Variants in ENTREP2 observed in about 807,000 individuals in gnomAD.
The protein encoded by ENTREP2 is protein ENTREP2.
At chr15:29,294,270 C>T in the ENTREP2 span, among the ~76,000 whole-genome samples, 1 of 152,216 alleles carries the variant, frequency 6.6e-6, no homozygotes, top group Non-Finnish European at 1.5e-5. Flanking sequence ...TTCAAAGAAG[C>T]AGGCAATGTG....
the ENTREP2 span, among the ~76,000 whole-genome samples, chr15:29,658,993 G>A: frequency 6.6e-6 from 1 of 152,246 alleles, no homozygotes; most frequent in South Asian, 2.1e-4. Context: ...ACAACATACA[G>A]ATGGATGCAT....
chr15:29,563,867 G>A, the ENTREP2 span, among the ~76,000 whole-genome samples: 49 of 89,750 alleles, frequency 5.5e-4, no homozygotes, highest in African/African-American at 1.2e-3. Context: ...AAATAAATAA[G>A]TAAAATAAAG....
At chr15:29,618,247 C>T in the ENTREP2 span, among the ~76,000 whole-genome samples, 1 of 151,980 alleles carries the variant, frequency 6.6e-6, no homozygotes, top group Non-Finnish European at 1.5e-5. Flanking sequence ...CATAGTGAAA[C>T]CCCGTCTCTA....
chr15:29,129,087 G>A, the ENTREP2 span, among the ~76,000 whole-genome samples: 11 of 152,052 alleles, frequency 7.2e-5, no homozygotes, highest in Non-Finnish European at 1.2e-4. Flanking sequence ...TTTTTGAGAC[G>A]GAGTCTTGCT....
At chr15:29,509,276 T>A in the ENTREP2 span, among the ~76,000 whole-genome samples, 1,006 of 152,230 alleles carry the variant, frequency 6.6e-3, 5 homozygotes, top group African/African-American at 0.023. Flanking sequence ...AGAAAAACAT[T>A]CCACATTCAT....
chr15:29,572,823 C>A, the ENTREP2 span, among the ~76,000 whole-genome samples: 1 of 151,296 alleles, frequency 6.6e-6, no homozygotes, highest in African/African-American at 2.4e-5. Flanking sequence ...TACACAGTGC[C>A]CCCCCAACCC....
chr15:29,667,393 T>G, the ENTREP2 span, among the ~76,000 whole-genome samples: 1 of 151,654 alleles, frequency 6.6e-6, no homozygotes, highest in Non-Finnish European at 1.5e-5. Flanking sequence ...TTTCACCATG[T>G]TAGCCAGGAT....
At chr15:29,667,487 CTTT>C in the ENTREP2 span, among the ~76,000 whole-genome samples, 262 of 104,646 alleles carry the variant, frequency 2.5e-3, no homozygotes, top group African/African-American at 9.7e-3. Flanking sequence ...TGCGCCTGGC[CTTT>C]TTTTTTTTTT....
At chr15:29,261,644 C>T in the ENTREP2 span, among the ~76,000 whole-genome samples, 17 of 152,086 alleles carry the variant, frequency 1.1e-4, no homozygotes, top group African/African-American at 3.1e-4. Flanking sequence ...TGATTTTATA[C>T]GCAACATTTT....
chr15:29,222,382 C>G, the ENTREP2 span, among the ~76,000 whole-genome samples: 1 of 152,194 alleles, frequency 6.6e-6, no homozygotes, highest in Non-Finnish European at 1.5e-5. Flanking sequence ...CAACCAGCAT[C>G]CCTTAGGGCT....
At chr15:29,554,669 G>C in the ENTREP2 span, among the ~76,000 whole-genome samples, 19 of 152,270 alleles carry the variant, frequency 1.2e-4, no homozygotes, top group East Asian at 2.9e-3. Context: ...CAGGATAAGA[G>C]AAAGTGCTGC....
At chr15:29,561,384 A>T in the ENTREP2 span, among the ~76,000 whole-genome samples, 9 of 152,238 alleles carry the variant, frequency 5.9e-5, no homozygotes, top group African/African-American at 2.2e-4. Context: ...TAGAATAACA[A>T]TTAATAAATG....
the ENTREP2 span, among the ~76,000 whole-genome samples, chr15:29,291,189 T>TA: frequency 1.3e-5 from 2 of 152,188 alleles, no homozygotes. Flanking sequence ...ATCCAGTCCA[T>TA]ACTATGCATT....
chr15:29,141,082 C>A, the ENTREP2 span, among the ~76,000 whole-genome samples: 3 of 152,158 alleles, frequency 2.0e-5, no homozygotes, highest in African/African-American at 7.2e-5. Flanking sequence ...GGTGGGTGCA[C>A]GTGGAAGTGA....
At chr15:29,183,988 CT>C in the ENTREP2 span, among the ~76,000 whole-genome samples, 149 of 149,956 alleles carry the variant, frequency 9.9e-4, 1 homozygote, top group Non-Finnish European at 1.4e-3. Flanking sequence ...TAGCTAGTAA[CT>C]TTTTTTTTTG....
the ENTREP2 span, among the ~76,000 whole-genome samples, chr15:29,653,641 C>T: frequency 6.6e-6 from 1 of 152,208 alleles, no homozygotes; most frequent in Non-Finnish European, 1.5e-5. Flanking sequence ...TCCCCTTTGC[C>T]TTCCGCCATG....
the ENTREP2 span, among the ~76,000 whole-genome samples, chr15:29,402,409 A>C: frequency 6.6e-6 from 1 of 151,964 alleles, no homozygotes; most frequent in Non-Finnish European, 1.5e-5. Flanking sequence ...TCCACCTCCC[A>C]TGCTCAAGTG....
chr15:29,428,367 CCA>C, the ENTREP2 span, among the ~76,000 whole-genome samples: 1 of 152,094 alleles, frequency 6.6e-6, no homozygotes. Context: ...GTGCTCGCCA[CCA>C]CACACGGCTA....
At chr15:29,577,579 C>A in the ENTREP2 span, among the ~76,000 whole-genome samples, 2 of 152,078 alleles carry the variant, frequency 1.3e-5, no homozygotes, top group African/African-American at 4.8e-5. Context: ...GTCTCAAACT[C>A]CTGAGCTCAA....
Sources: gnomAD v4.1 joint callset for allele counts (sites outside exome capture counted in the v4.1 genomes callset) on GRCh38, gnomAD v4.1.1 for gene constraint, MANE v1.5 for transcripts, NCBI Gene and HGNC (gene_info 2026-07-23, HGNC 2026-07-21) for gene names.